The following IPO11 variants were observed in gnomAD, a reference collection of about 807,000 sequenced individuals.
IPO11 encodes importin 11, also known as importin-11.
A neutral mutation model predicts 143.2 loss-of-function variants in IPO11; 66 were observed. The observed-to-expected ratio is 0.46, with a 90% CI of 0.38 to 0.57. The LOEUF (loss-of-function observed/expected upper bound fraction) is 0.57. Ranked by LOEUF, IPO11 falls within the 20% of genes least tolerant of loss-of-function variation. The pLI is 0.00. For synonymous variants in IPO11, 385 were observed against 377.8 expected, an observed-to-expected ratio of 1.02 and a Z score of -0.22; for missense variants, 1,026 against 1,141.0, an observed-to-expected ratio of 0.90 and a Z score of 1.45.
chr5:62,580,016 T>C lies in IPO11; in HGVS notation c.2583-11561T>C, dbSNP rs184754326. Reference sequence around the variant, plus strand: ...CTTGATTTATCAAACAATAACATTTTGAGGATATCAGAATCAGGCTTTCAA... The same window carrying C: ...CTTGATTTATCAAACAATAACATTTCGAGGATATCAGAATCAGGCTTTCAA... On this transcript the variant is annotated intron_variant, in intron 27 of 29. Transcript: ENST00000325324. 4.5e-6 allele frequency: 7 copies of C among 1,551,300 alleles called. No individual in the cohort carries two copies. In the East Asian group the frequency reaches 1.7e-4, roughly 38 times the overall value.
At chr5:62,434,697 G>A (rs1013404095) in intron 1 of IPO11, among the ~76,000 whole-genome samples, 7 of 152,066 alleles carry the variant, frequency 4.6e-5, no homozygotes, top group Non-Finnish European at 7.3e-5. Context: ...TTGGTTACAT[G>A]TTGCAATGAT....
intron 29 of IPO11, among the ~76,000 whole-genome samples, chr5:62,614,489 C>T (rs1746052722): frequency 6.6e-6 from 1 of 152,214 alleles, no homozygotes; most frequent in Non-Finnish European, 1.5e-5. Context: ...CTAAGTTCTG[C>T]AGTACGTAGA....
chr5:62,446,260 A>G (rs1490648823), intron 3 of IPO11, among the ~76,000 whole-genome samples: 3 of 152,226 alleles, frequency 2.0e-5, no homozygotes, highest in Non-Finnish European at 4.4e-5. Flanking sequence ...TGTAACTGCC[A>G]GTTGGAACTA....
At chr5:62,466,594 T>C (rs1248333732) in intron 5 of IPO11, among the ~76,000 whole-genome samples, 6 of 152,174 alleles carry the variant, frequency 3.9e-5, no homozygotes, top group Admixed American at 2.0e-4. Context: ...ACTACATTCT[T>C]AATGTGAGGG....
chr5:62,449,789 A>G (rs1034307006), intron 3 of IPO11, 138 bp from the exon 4 acceptor site: 2 of 531,538 alleles, frequency 3.8e-6, no homozygotes, highest in African/African-American at 2.0e-5. Context: ...AAGTAATGGA[A>G]ATAATCCTTT....
chr5:62,460,858 G>T (rs1257718636), intron 5 of IPO11, among the ~76,000 whole-genome samples: 1 of 151,968 alleles, frequency 6.6e-6, no homozygotes, highest in Non-Finnish European at 1.5e-5. Context: ...CTCCTACTTG[G>T]TTGCTTTATT....
At chr5:62,590,407 G>A (rs1284142855) in intron 27 of IPO11, among the ~76,000 whole-genome samples, 1 of 152,066 alleles carries the variant, frequency 6.6e-6, no homozygotes, top group Non-Finnish European at 1.5e-5. Flanking sequence ...GGGTTTTAGT[G>A]CCTAAAAACT....
At chr5:62,445,699 G>A (rs975260201) in intron 3 of IPO11, among the ~76,000 whole-genome samples, 1 of 152,072 alleles carries the variant, frequency 6.6e-6, no homozygotes, top group African/African-American at 2.4e-5. Flanking sequence ...CCAGCAGTAG[G>A]CAAATGTAAG....
At chr5:62,438,087 C>T (rs1165654957) in intron 2 of IPO11, among the ~76,000 whole-genome samples, 3 of 152,142 alleles carry the variant, frequency 2.0e-5, no homozygotes, top group Non-Finnish European at 4.4e-5. Flanking sequence ...GTCAGGGCAA[C>T]AAAGCTCCCC....
chr5:62,417,321 A>ATTTTTTTTTTTTTTTT (rs34767317), intron 1 of IPO11, among the ~76,000 whole-genome samples: 1 of 65,332 alleles, frequency 1.5e-5, no homozygotes, highest in Non-Finnish European at 2.8e-5. Flanking sequence ...TTATTGGTTA[A>ATTTTTTTTTTTTTTTT]TTTTTTTTTT....
At chr5:62,528,295 G>A (rs965400827) in intron 21 of IPO11, among the ~76,000 whole-genome samples, 1 of 152,202 alleles carries the variant, frequency 6.6e-6, no homozygotes, top group African/African-American at 2.4e-5. Flanking sequence ...GTATAGAGAT[G>A]TGAATTTGGC....
chr5:62,432,923 A>C (rs1285789162), intron 1 of IPO11, among the ~76,000 whole-genome samples: 1 of 152,186 alleles, frequency 6.6e-6, no homozygotes, highest in Non-Finnish European at 1.5e-5. Context: ...CTGACGATGG[A>C]TTTCTTTATT....
chr5:62,575,987 G>A (rs1344706727), intron 27 of IPO11: 1 of 152,182 alleles, frequency 6.6e-6, no homozygotes, highest in Admixed American at 6.5e-5. Context: ...TATGTCCAAT[G>A]GCCTTAGCAG....
intron 20 of IPO11, among the ~76,000 whole-genome samples, chr5:62,521,027 CT>C (rs1474791311): frequency 6.6e-6 from 1 of 152,212 alleles, no homozygotes; most frequent in Non-Finnish European, 1.5e-5. Flanking sequence ...TACTTCTTGA[CT>C]TTTTAATGAT....
At position 62,470,234 on chromosome 5, in the gene IPO11, T is replaced by C; in HGVS notation, c.650-16T>C. 2 of 1,610,844 alleles carry C rather than the reference T, an allele frequency of 1.2e-6. No homozygotes were observed. The highest frequency in any genetic ancestry group is 1.7e-6 in the Non-Finnish European group (2 of 1,177,326). ...GATAAAATAAGATTCAAGTAAAGCT[T>C]GCTTTTGCTTTTCAGTGCTGCGTAA... is the stretch of plus-strand genomic sequence containing the variant. On this transcript the variant is annotated splice_polypyrimidine_tract_variant and intron_variant, in intron 6 of 29. Transcript: ENST00000325324.
rs139317403 is a variant in IPO11 at position 62,600,047 on chromosome 5, G to A, written c.2679-1717G>A. On this transcript the variant is annotated intron_variant, in intron 28 of 29. Coordinates refer to ENST00000325324, the MANE Select transcript of IPO11 (RefSeq NM_016338.5). ...TTAATGTGATAAATCTTCTTTTTTT[G>A]GGGGTGGGGGAGACAGAATCTTGCT... 8.7e-4 allele frequency among the ~76,000 whole-genome samples: 132 copies of A among 151,898 alleles called. 3 individuals carry two copies. In the East Asian group the frequency reaches 0.021, roughly 25 times the overall value.
At chr5:62,470,389 G>A in intron 7 of IPO11, 81 bp downstream of exon 7, 1 of 1,214,524 alleles carries the variant, frequency 8.2e-7, no homozygotes, top group Non-Finnish European at 1.2e-6. Context: ...TTTTTATTTG[G>A]CATTCAATTA....
chr5:62,556,685 A>T (rs1210389703), intron 26 of IPO11, among the ~76,000 whole-genome samples: 4 of 152,104 alleles, frequency 2.6e-5, no homozygotes, highest in Non-Finnish European at 5.9e-5. Context: ...AAAAGTTTAA[A>T]TTTTTTTTAA....
intron 9 of IPO11, among the ~76,000 whole-genome samples, chr5:62,481,102 T>C (rs1358796845): frequency 4.0e-5 from 6 of 151,844 alleles, no homozygotes; most frequent in Non-Finnish European, 8.8e-5. Flanking sequence ...GTATTTTTAG[T>C]AGAGACAGGG....
Sources: allele counts gnomAD v4.1 joint callset (sites outside exome capture counted in the v4.1 genomes callset), GRCh38; gene constraint gnomAD v4.1.1; transcripts MANE v1.5; gene names NCBI Gene and HGNC (gene_info 2026-07-23, HGNC 2026-07-21).